Variants in BMPR1B observed in about 807,000 individuals in gnomAD.
BMPR1B encodes the protein bone morphogenetic protein receptor type-1B.
BMPR1B carries 12 observed loss-of-function variants against 59.1 expected under a neutral mutation model. The ratio of observed to expected loss-of-function variants is 0.20; its 90% CI spans 0.13 to 0.33. The LOEUF is 0.33. BMPR1B is among the 10% of genes least tolerant of loss of function. BMPR1B has a pLI of 1.00. For synonymous variants in BMPR1B, 237 were observed against 207.3 expected (o/e 1.14, Z -1.23); for missense variants, 550 against 610.9 (o/e 0.90, Z 1.05).
At chr4:95,125,166 A>G (rs2149292747) in intron 8 of BMPR1B, 45 bp downstream of exon 8, 2 of 1,607,970 alleles carry the variant, frequency 1.2e-6, no homozygotes, top group Middle Eastern at 1.7e-4. Flanking sequence ...TGTTTTCTGA[A>G]AGAACTGTCA....
chr4:95,047,177 T>C (rs1007758037), intron 3 of BMPR1B, among the ~76,000 whole-genome samples: 2 of 152,214 alleles, frequency 1.3e-5, no homozygotes, highest in Non-Finnish European at 2.9e-5. Flanking sequence ...TGTATATGTG[T>C]CACAGCTAAG....
intron 1 of BMPR1B, among the ~76,000 whole-genome samples, chr4:94,858,172 G>A (rs913872505): frequency 2.0e-5 from 3 of 151,760 alleles, no homozygotes; most frequent in Admixed American, 6.6e-5. Context: ...GGATGGTCTC[G>A]ATCTCCTGAC....
chr4:94,904,006 T>A (rs1397762016), intron 2 of BMPR1B, among the ~76,000 whole-genome samples: 1 of 152,032 alleles, frequency 6.6e-6, no homozygotes, highest in African/African-American at 2.4e-5. Context: ...TATGTACACA[T>A]CCCTCTTTTA....
At chr4:94,857,270 A>G (rs190145812) in intron 1 of BMPR1B, among the ~76,000 whole-genome samples, 62 of 152,354 alleles carry the variant, frequency 4.1e-4, no homozygotes, top group Non-Finnish European at 7.5e-4. Flanking sequence ...CCAAATTAAC[A>G]AATATTTAAG....
chr4:95,115,222 C>T (rs1274857119), intron 5 of BMPR1B, among the ~76,000 whole-genome samples: 1 of 152,128 alleles, frequency 6.6e-6, no homozygotes, highest in Non-Finnish European at 1.5e-5. Flanking sequence ...ACAGAATCAC[C>T]TCATAACACA....
intron 3 of BMPR1B, among the ~76,000 whole-genome samples, chr4:95,057,726 C>T (rs1727038431): frequency 6.6e-6 from 1 of 152,090 alleles, no homozygotes; most frequent in African/African-American, 2.4e-5. Flanking sequence ...AAACCTTTAA[C>T]ATGGCTACTC....
intron 2 of BMPR1B, among the ~76,000 whole-genome samples, chr4:94,898,259 G>T (rs1042751984): frequency 6.6e-6 from 1 of 151,956 alleles, no homozygotes; most frequent in African/African-American, 2.4e-5. Flanking sequence ...GTCCTGACAA[G>T]TTATTTTCTG....
At chr4:95,010,180 T>C (rs1052743839) in intron 3 of BMPR1B, among the ~76,000 whole-genome samples, 1 of 152,158 alleles carries the variant, frequency 6.6e-6, no homozygotes, top group Non-Finnish European at 1.5e-5. Context: ...ATGGGTACTT[T>C]ACATTTCCTT....
intron 2 of BMPR1B, among the ~76,000 whole-genome samples, chr4:94,987,935 A>G (rs1232402528): frequency 6.6e-6 from 1 of 152,210 alleles, no homozygotes; most frequent in African/African-American, 2.4e-5. Context: ...ATGATTTATC[A>G]TCTGGATATT....
intron 2 of BMPR1B, among the ~76,000 whole-genome samples, chr4:94,982,869 C>T (rs1721179184): frequency 6.6e-6 from 1 of 151,922 alleles, no homozygotes; most frequent in Non-Finnish European, 1.5e-5. Flanking sequence ...CCTGTAGTCC[C>T]AGCTACTCGG....
intron 3 of BMPR1B, among the ~76,000 whole-genome samples, chr4:95,052,556 A>G (rs961035352): frequency 2.0e-5 from 3 of 152,018 alleles, no homozygotes; most frequent in Non-Finnish European, 4.4e-5. Flanking sequence ...ATTGAAATGT[A>G]TTTAAAGTTC....
intron 1 of BMPR1B, among the ~76,000 whole-genome samples, chr4:94,794,828 G>A (rs1242200045): frequency 2.7e-5 from 4 of 146,524 alleles, no homozygotes; most frequent in East Asian, 2.0e-4. Flanking sequence ...TTTGTCTGTT[G>A]TTGGTGTATA....
rs549728785 is a variant in BMPR1B at position 94,837,886 on chromosome 4, T to G, written c.-182-37945T>G. 3.1e-4 allele frequency among the ~76,000 whole-genome samples: 44 copies of G among 142,230 alleles called. 2 individuals are homozygous for G. Among genetic ancestry groups the G allele is most frequent in the South Asian group, 9.4e-4 (4 of 4,270 alleles). 93.3% of individuals were successfully genotyped at this position (142,230 alleles called of 152,430 possible). ...TTTTTGCCCATTGAGTATGATATTG[T>G]CTGTGGGTTTGTCATAGATAGCTCT... On this transcript the variant is annotated intron_variant, in intron 1 of 12. Coordinates refer to ENST00000515059, the MANE Select transcript of BMPR1B (RefSeq NM_001203.3).
chr4:95,137,848 G>C (rs1733918857), intron 10 of BMPR1B, among the ~76,000 whole-genome samples: 1 of 152,120 alleles, frequency 6.6e-6, no homozygotes, highest in Non-Finnish European at 1.5e-5. Context: ...GATGGGTCTT[G>C]ACTCTTTATC....
chr4:94,993,905 A>C (rs185125422), intron 2 of BMPR1B, among the ~76,000 whole-genome samples: 4 of 152,322 alleles, frequency 2.6e-5, no homozygotes, highest in African/African-American at 9.6e-5. Flanking sequence ...CTGCCAAAAT[A>C]AGTATCTCTG....
At chr4:94,933,633 G>T (rs1034501368) in intron 2 of BMPR1B, among the ~76,000 whole-genome samples, 1 of 152,080 alleles carries the variant, frequency 6.6e-6, no homozygotes, top group African/African-American at 2.4e-5. Context: ...TTTAGTAAAG[G>T]TGTATCAGGG....
chr4:95,152,890 G>A (rs901184671), intron 12 of BMPR1B, 117 bp downstream of exon 12: 1 of 1,279,808 alleles, frequency 7.8e-7, no homozygotes, highest in Non-Finnish European at 1.1e-6. Flanking sequence ...TGATGGTGAT[G>A]GCGCCTCATT....
intron 3 of BMPR1B, among the ~76,000 whole-genome samples, chr4:95,028,906 A>G (rs11722157): frequency 2.6e-4 from 39 of 151,974 alleles, no homozygotes; most frequent in Admixed American, 4.6e-4. Flanking sequence ...AATGTTTAAA[A>G]TTGAGGAAGA....
At chr4:94,871,781 C>T (rs962001658) in intron 1 of BMPR1B, among the ~76,000 whole-genome samples, 1 of 152,130 alleles carries the variant, frequency 6.6e-6, no homozygotes, top group Admixed American at 6.5e-5. Context: ...AGTTTACTAC[C>T]TATATATACA....
Sources: allele counts gnomAD v4.1 joint callset (sites outside exome capture counted in the v4.1 genomes callset), GRCh38; gene constraint gnomAD v4.1.1; transcripts MANE v1.5; gene names NCBI Gene and HGNC (gene_info 2026-07-23, HGNC 2026-07-21).